The following WWOX variants were observed in gnomAD, a reference collection of about 807,000 sequenced individuals.
WWOX encodes WW domain-containing oxidoreductase.
In WWOX, 69 loss-of-function variants were observed where a neutral mutation model predicts 46.2. The ratio of observed to expected loss-of-function variants is 1.49; its 90% CI spans 1.23 to 1.82. WWOX has a LOEUF of 1.82. WWOX is among the 40% of genes most tolerant of loss of function. The pLI, the probability that WWOX is intolerant of heterozygous loss-of-function variation, is 0.00. For missense variants in WWOX, 919 were observed against 542.6 expected (o/e 1.69, Z -6.89); for synonymous variants, 359 against 202.6 (o/e 1.77, Z -6.56).
intron 8 of WWOX, among the ~76,000 whole-genome samples, chr16:78,835,883 T>G (rs1007441282): frequency 6.6e-6 from 1 of 152,230 alleles, no homozygotes; most frequent in Non-Finnish European, 1.5e-5. Flanking sequence ...TGTTTCTGAC[T>G]TTTTACGTAA....
chr16:79,171,319 C>T (rs975675621), intron 8 of WWOX, among the ~76,000 whole-genome samples: 1 of 152,338 alleles, frequency 6.6e-6, no homozygotes, highest in East Asian at 1.9e-4. Context: ...AACATGATTA[C>T]ATACTCTCTT....
chr16:78,429,341 A>C (rs778567190), intron 7 of WWOX, among the ~76,000 whole-genome samples: 12 of 152,170 alleles, frequency 7.9e-5, no homozygotes, highest in Non-Finnish European at 1.6e-4. Flanking sequence ...TGGATACTTA[A>C]TGTCCATGGA....
intron 8 of WWOX, among the ~76,000 whole-genome samples, chr16:78,612,914 T>G (rs1396767724): frequency 6.6e-6 from 1 of 152,214 alleles, no homozygotes; most frequent in Non-Finnish European, 1.5e-5. Flanking sequence ...ATAGTAAATT[T>G]TAGTATGTGT....
intron 1 of WWOX, among the ~76,000 whole-genome samples, chr16:78,104,473 T>C (rs186148131): frequency 2.5e-4 from 38 of 152,258 alleles, no homozygotes; most frequent in African/African-American, 8.7e-4. Flanking sequence ...CACTGTACTC[T>C]AGCCTGGGCC....
intron 8 of WWOX, among the ~76,000 whole-genome samples, chr16:78,492,273 A>AG (rs1305098828): frequency 2.6e-5 from 4 of 152,202 alleles, no homozygotes; most frequent in African/African-American, 9.7e-5. Context: ...CTCATTCCGA[A>AG]GGCGGGTGTG....
intron 4 of WWOX, among the ~76,000 whole-genome samples, chr16:78,135,724 C>T (rs996113151): frequency 3.3e-5 from 5 of 151,446 alleles, no homozygotes; most frequent in African/African-American, 1.2e-4. Context: ...ACAAAAAAAA[C>T]ACCTTCCACT....
chr16:78,173,057 G>A (rs11641394), intron 5 of WWOX, among the ~76,000 whole-genome samples: 12,726 of 152,274 alleles, frequency 0.084, 589 homozygotes, highest in Non-Finnish European at 0.094. Context: ...GCAAGGACAA[G>A]TAGAGAAACA....
intron 8 of WWOX, among the ~76,000 whole-genome samples, chr16:78,796,875 G>C (rs111533529): frequency 1.6e-3 from 243 of 151,188 alleles, no homozygotes; most frequent in African/African-American, 5.8e-3. Context: ...ACCTAGGCTG[G>C]AGTGCAGTGG....
intron 8 of WWOX, among the ~76,000 whole-genome samples, chr16:78,472,422 A>G (rs1198812658): frequency 6.6e-6 from 1 of 152,204 alleles, no homozygotes; most frequent in Non-Finnish European, 1.5e-5. Context: ...GAAAATTTAG[A>G]ATATAAATTT....
intron 8 of WWOX, among the ~76,000 whole-genome samples, chr16:78,887,356 A>C (rs2044486734): frequency 6.6e-6 from 1 of 150,614 alleles, no homozygotes; most frequent in Non-Finnish European, 1.5e-5. Flanking sequence ...CTCTCTCCCA[A>C]CTCCCCACGT....
chr16:78,426,869 G>A (rs1423839039), intron 7 of WWOX, among the ~76,000 whole-genome samples: 2 of 152,104 alleles, frequency 1.3e-5, no homozygotes, highest in Non-Finnish European at 2.9e-5. Context: ...TCACCATGTT[G>A]GCCAGGATGG....
At chr16:78,273,831 G>A (rs1597432654) in intron 5 of WWOX, among the ~76,000 whole-genome samples, 1 of 152,190 alleles carries the variant, frequency 6.6e-6, no homozygotes, top group Non-Finnish European at 1.5e-5. Context: ...TGGAACCATC[G>A]CTGAAGATAG....
intron 8 of WWOX, among the ~76,000 whole-genome samples, chr16:79,129,310 G>C (rs892994571): frequency 6.7e-6 from 1 of 149,434 alleles, no homozygotes; most frequent in African/African-American, 2.5e-5. Context: ...AATGAGGGGG[G>C]CACACTTCCT....
chr16:78,241,930 G>C (rs961893465), intron 5 of WWOX, among the ~76,000 whole-genome samples: 5 of 152,258 alleles, frequency 3.3e-5, no homozygotes, highest in African/African-American at 1.2e-4. Flanking sequence ...TTTTGAGGCA[G>C]ACAAATGCCA....
In WWOX at chr16:78,367,249, G is replaced by A. The variant is rs567634260; in HGVS notation, c.517-19611G>A. Reference sequence around the variant, plus strand: ...CTGCCTCGCCCTCCCAAAGTGCTGGGATTACAGGCGTGAGCCACCGCACCC... The same window carrying A: ...CTGCCTCGCCCTCCCAAAGTGCTGGAATTACAGGCGTGAGCCACCGCACCC... On this transcript the variant is annotated intron_variant, in intron 5 of 8. Coordinates refer to ENST00000566780, the MANE Select transcript of WWOX (RefSeq NM_016373.4). 6.6e-5 allele frequency among the ~76,000 whole-genome samples: 10 copies of A among 152,206 alleles called. No homozygotes were observed. The East Asian group carries it at 1.5e-3, about 24-fold the overall frequency.
At chr16:79,192,778 C>G (rs1301926957) in intron 8 of WWOX, among the ~76,000 whole-genome samples, 1 of 152,132 alleles carries the variant, frequency 6.6e-6, no homozygotes, top group Non-Finnish European at 1.5e-5. Context: ...AACTTCAGAG[C>G]CCACCCATCC....
intron 8 of WWOX, among the ~76,000 whole-genome samples, chr16:78,608,740 A>C (rs1307237010): frequency 1.3e-5 from 2 of 152,306 alleles, no homozygotes; most frequent in African/African-American, 4.8e-5. Flanking sequence ...CATTTGGAGT[A>C]CTGCGGACCC....
intron 7 of WWOX, among the ~76,000 whole-genome samples, chr16:78,432,277 T>C (rs2083239281): frequency 6.6e-6 from 1 of 152,124 alleles, no homozygotes; most frequent in Non-Finnish European, 1.5e-5. Flanking sequence ...GGCTAATTTT[T>C]GTATTTTTAG....
intron 8 of WWOX, among the ~76,000 whole-genome samples, chr16:78,688,436 CTTCT>C (rs1228083607): frequency 2.0e-5 from 3 of 151,546 alleles, no homozygotes; most frequent in Admixed American, 1.3e-4. Context: ...GTCTCATTCA[CTTCT>C]TTCTATTTTT....
Sources: gnomAD v4.1 joint callset for allele counts (sites outside exome capture counted in the v4.1 genomes callset) on GRCh38, gnomAD v4.1.1 for gene constraint, MANE v1.5 for transcripts, NCBI Gene and HGNC (gene_info 2026-07-23, HGNC 2026-07-21) for gene names.